The following ANK3 variants were observed in gnomAD, a reference collection of about 807,000 sequenced individuals.
ANK3 encodes ankyrin 3, also known as ankyrin-3.
A neutral mutation model predicts 370.9 loss-of-function variants in ANK3; 57 were observed. The ratio of observed to expected loss-of-function variants is 0.15; its 90% CI spans 0.12 to 0.19. ANK3 has a LOEUF of 0.19. Among genes scored for constraint, ANK3 ranks in the 10% least tolerant of loss-of-function variants. The probability of loss-of-function intolerance (pLI) is 1.00; values close to 1 mark genes in which losing one functional copy is unlikely to be tolerated. For missense variants in ANK3, 4,439 were observed against 5,302.1 expected (o/e 0.84, Z 5.06); for synonymous variants, 1,929 against 1,946.3 (o/e 0.99, Z 0.23).
In ANK3 at chr10:60,172,407, G is replaced by T. The variant is rs1230919107; in HGVS notation, c.2383-4C>A. 1.2e-6 allele frequency: 2 copies of T among 1,613,136 alleles called. No homozygotes were observed. The highest frequency in any genetic ancestry group is 2.2e-5 in the South Asian group (2 of 91,030). On this transcript the variant is annotated splice_polypyrimidine_tract_variant and splice_region_variant and intron_variant, in intron 20 of 43. Transcript: ENST00000280772. ...TGCCAAGGGCAGTATTCCCATTCTG[G>T]CAAAAGGAAAATGTGAGTGAGGAAT... is the stretch of plus-strand genomic sequence containing the variant.
intron 1 of ANK3, chr10:60,733,200 C>A: frequency 8.2e-7 from 1 of 1,226,454 alleles, no homozygotes; most frequent in Non-Finnish European, 1.0e-6. Context: ...CTCCCGCCCG[C>A]CCGGGTCCCC....
chr10:60,239,420 A>T (rs1260839055), intron 7 of ANK3, among the ~76,000 whole-genome samples: 2 of 152,242 alleles, frequency 1.3e-5, no homozygotes, highest in Non-Finnish European at 2.9e-5. Flanking sequence ...CATACAGAGA[A>T]CAAAGATAAT....
intron 30 of ANK3, 176 bp downstream of exon 30, chr10:60,086,501 A>G: frequency 1.9e-6 from 1 of 532,148 alleles, no homozygotes; most frequent in East Asian, 3.3e-5. Context: ...CTTCCCAAGA[A>G]ATGATCCTTG....
chr10:60,572,923 A>G, intron 2 of ANK3: 4 of 999,788 alleles, frequency 4.0e-6, no homozygotes, highest in Non-Finnish European at 4.8e-6. Flanking sequence ...ACACACACAC[A>G]CACCCTCACA....
In ANK3 at chr10:60,551,415, T is replaced by C. The variant is rs917747205; in HGVS notation, c.96+63771A>G. 2.0e-5 allele frequency among the ~76,000 whole-genome samples: 3 copies of C among 152,138 alleles called. No homozygotes were observed. The South Asian group carries it at 6.2e-4, about 32-fold the overall frequency. On this transcript the variant is annotated intron_variant, in intron 2 of 43. Transcript: ENST00000373827. ...ATTTTCTCTTACTTACAAATTTAAA[T>C]TAGTACACACTGCTGACTTTTGGGA...
At chr10:60,623,736 G>A (rs1294098896) in intron 1 of ANK3, among the ~76,000 whole-genome samples, 3 of 152,192 alleles carry the variant, frequency 2.0e-5, no homozygotes, top group Non-Finnish European at 4.4e-5. Flanking sequence ...CTTGCCCAAA[G>A]AGAGGTCTGG....
At chr10:60,189,391 AG>A (rs1209283162) in intron 16 of ANK3, among the ~76,000 whole-genome samples, 1 of 152,206 alleles carries the variant, frequency 6.6e-6, no homozygotes, top group Non-Finnish European at 1.5e-5. Flanking sequence ...AGAGACAGAC[AG>A]AGACAGACTC....
At chr10:60,606,943 A>G (rs2078136651) in intron 2 of ANK3, among the ~76,000 whole-genome samples, 1 of 152,204 alleles carries the variant, frequency 6.6e-6, no homozygotes. Flanking sequence ...TAACAGATGT[A>G]TGGAACACAC....
rs112701156 is a variant in ANK3, at chr10:60,492,893, G to T, written c.96+122293C>A. Reference sequence around the variant, plus strand: ...AGATCGAGACCATCCTGGTTAACACGGTGAAACCCTGTCTCTACTAAAAAT... The same window carrying T: ...AGATCGAGACCATCCTGGTTAACACTGTGAAACCCTGTCTCTACTAAAAAT... On this transcript the variant is annotated intron_variant, in intron 2 of 43. Transcript: ENST00000373827. 5.4e-5 allele frequency among the ~76,000 whole-genome samples: 8 copies of T among 148,676 alleles called. 1 individual carries two copies. Among genetic ancestry groups the T allele is most frequent in the African/African-American group, 2.0e-4 (8 of 40,448 alleles).
At chr10:60,330,759 T>A (rs2051046612) in intron 1 of ANK3, among the ~76,000 whole-genome samples, 1 of 152,214 alleles carries the variant, frequency 6.6e-6, no homozygotes, top group Non-Finnish European at 1.5e-5. Flanking sequence ...AGCAATCTTA[T>A]CACTGGGTAT....
chr10:60,507,520 G>A (rs2075971907), intron 2 of ANK3: 1 of 151,644 alleles, frequency 6.6e-6, no homozygotes, highest in Non-Finnish European at 1.5e-5. Flanking sequence ...AACACACTTA[G>A]GCATATTTCA....
In ANK3 at chr10:60,154,531, C is replaced by T. The variant is rs923062755; in HGVS notation, c.2614+12060G>A. Among the ~76,000 whole-genome samples the T allele has an allele frequency of 3.3e-5, 5 of 152,172 alleles. No individual in the cohort carries two copies. The South Asian group carries it at 6.2e-4, about 19-fold the overall frequency. ...TTATTCCACCAGGCTTGGTGCCTCA[C>T]GCCTGTAATCCCAACACTTTGGGAG... On this transcript the variant is annotated intron_variant, in intron 23 of 43. Transcript: ENST00000280772.
At chr10:60,337,779 T>C (rs898636863) in intron 1 of ANK3, among the ~76,000 whole-genome samples, 9 of 152,200 alleles carry the variant, frequency 5.9e-5, no homozygotes, top group Admixed American at 3.9e-4. Flanking sequence ...CACAGTTTTA[T>C]AAACATAGGT....
intron 2 of ANK3, among the ~76,000 whole-genome samples, chr10:60,589,168 T>C (rs1233932949): frequency 1.3e-5 from 2 of 152,204 alleles, no homozygotes; most frequent in Non-Finnish European, 2.9e-5. Flanking sequence ...ACTTATGGAT[T>C]GTCAATGATT....
In ANK3 at chr10:60,069,207, C is replaced by T. The variant is rs2082224421; in HGVS notation, c.11674G>A (p.Val3892Ile). 6.8e-6 allele frequency: 11 copies of T among 1,614,138 alleles called. No individual in the cohort carries two copies. Among genetic ancestry groups the T allele is most frequent in the Non-Finnish European group, 9.3e-6 (11 of 1,180,012 alleles). The change falls in exon 37 of 44, where the codon GTT becomes ATT. Residue 3892 changes from valine to isoleucine, a missense_variant. Physicochemically the swap from Val to Ile is conservative, Grantham distance 29. Around this residue, in one of 13 missense-constraint regions of ANK3, gnomAD observed 496 missense variants for 529.3 expected, o/e 0.94. Transcript: ENST00000280772. ...GCTTTGGTTTTCTCGGATTGACTAA[C>T]CTGCTTCATTTTACTTGCTTTAGTG... ...SNTKASKMKQ[V>I]SQSEKTKALT...
At chr10:60,306,443 ATATATATATATC>A (rs754169742) in intron 1 of ANK3, among the ~76,000 whole-genome samples, 3,542 of 62,152 alleles carry the variant, frequency 0.057, 130 homozygotes, top group African/African-American at 0.15. Flanking sequence ...ATATATATAT[ATATATATATATC>A]TATCTTTATC....
intron 2 of ANK3, among the ~76,000 whole-genome samples, chr10:60,405,808 A>G (rs2063443937): frequency 6.6e-6 from 1 of 152,218 alleles, no homozygotes; most frequent in Non-Finnish European, 1.5e-5. Flanking sequence ...TAATAAAACA[A>G]ATACAGCAAA....
intron 1 of ANK3, among the ~76,000 whole-genome samples, chr10:60,641,845 A>G (rs956048494): frequency 1.3e-5 from 2 of 152,024 alleles, no homozygotes; most frequent in African/African-American, 4.8e-5. Flanking sequence ...TGAACAGGCA[A>G]CCTACAAAAT....
At chr10:60,130,596 A>G (rs991508802) in intron 25 of ANK3, among the ~76,000 whole-genome samples, 1 of 152,244 alleles carries the variant, frequency 6.6e-6, no homozygotes, top group African/African-American at 2.4e-5. Flanking sequence ...TATATTTTGA[A>G]CATTATAAAT....
Sources: allele counts gnomAD v4.1 joint callset (sites outside exome capture counted in the v4.1 genomes callset), GRCh38; gene constraint gnomAD v4.1.1; regional missense constraint gnomAD v4.1.1; transcripts MANE v1.5; gene names NCBI Gene and HGNC (gene_info 2026-07-23, HGNC 2026-07-21).